The following MAST4 variants were observed in gnomAD, a reference collection of about 807,000 sequenced individuals.
MAST4 encodes microtubule-associated serine/threonine-protein kinase 4.
Under a neutral mutation model 162.7 loss-of-function variants are expected in MAST4, and 89 were observed. The observed-to-expected ratio is 0.55, with a 90% CI of 0.46 to 0.65. The LOEUF (loss-of-function observed/expected upper bound fraction) is 0.65, where lower values mean the gene tolerates loss of function less well. Among genes scored for constraint, MAST4 ranks in the 30% least tolerant of loss-of-function variants. The probability of loss-of-function intolerance (pLI) is 0.00; values close to 1 mark genes in which losing one functional copy is unlikely to be tolerated. For missense variants in MAST4, 3,153 were observed against 3,374.0 expected (o/e 0.93, Z 1.62); for synonymous variants, 1,479 against 1,361.1 (o/e 1.09, Z -1.91).
At chr5:67,008,731 A>G (rs1472551718) in intron 4 of MAST4, among the ~76,000 whole-genome samples, 1 of 152,130 alleles carries the variant, frequency 6.6e-6, no homozygotes, top group Non-Finnish European at 1.5e-5. Context: ...CTGAGAACCA[A>G]AAAAGAAGTT....
chr5:66,803,337 C>T (rs1296200560), intron 3 of MAST4, among the ~76,000 whole-genome samples: 1 of 152,114 alleles, frequency 6.6e-6, no homozygotes, highest in African/African-American at 2.4e-5. Context: ...TCCCTCATGC[C>T]ATGGTTGTTC....
At chr5:67,102,724 C>A in intron 9 of MAST4, 113 bp downstream of exon 9, 1 of 782,930 alleles carries the variant, frequency 1.3e-6, no homozygotes, top group Non-Finnish European at 2.2e-6. Flanking sequence ...TAATGATTTG[C>A]ATAAAACAGC....
chr5:67,143,399 G>A (rs889262226), intron 21 of MAST4, among the ~76,000 whole-genome samples: 5 of 151,574 alleles, frequency 3.3e-5, no homozygotes. Flanking sequence ...CTTTTTACCA[G>A]TACAGTAAAA....
At chr5:66,614,045 C>T (rs1743477043) in intron 1 of MAST4, among the ~76,000 whole-genome samples, 1 of 152,160 alleles carries the variant, frequency 6.6e-6, no homozygotes, top group Admixed American at 6.5e-5. Flanking sequence ...ATGGGGAACA[C>T]TTAAAGGAGA....
intron 3 of MAST4, among the ~76,000 whole-genome samples, chr5:66,862,607 G>A (rs1760200914): frequency 6.6e-6 from 1 of 152,142 alleles, no homozygotes; most frequent in Non-Finnish European, 1.5e-5. Flanking sequence ...AGCAGTCAAG[G>A]TAAATGTTTT....
intron 3 of MAST4, among the ~76,000 whole-genome samples, chr5:66,800,041 T>G (rs1466714248): frequency 6.6e-6 from 1 of 152,208 alleles, no homozygotes; most frequent in Non-Finnish European, 1.5e-5. Flanking sequence ...ATTATTAGAT[T>G]ATGGAATTTA....
chr5:66,751,024 C>T (rs998787004), intron 1 of MAST4, among the ~76,000 whole-genome samples: 3 of 152,092 alleles, frequency 2.0e-5, no homozygotes, highest in African/African-American at 4.8e-5. Flanking sequence ...AGGCACCCCC[C>T]AGCAGGGGCA....
intron 4 of MAST4, among the ~76,000 whole-genome samples, chr5:66,950,237 T>G (rs930207877): frequency 9.2e-5 from 14 of 152,084 alleles, no homozygotes; most frequent in African/African-American, 3.4e-4. Context: ...TTTTTCTTTT[T>G]TTTTCTTTTT....
At position 66,759,711 on chromosome 5, in the gene MAST4, T is replaced by C. The variant is rs780705015; in HGVS notation, c.366T>C (p.Leu122=). 1.2e-6 allele frequency: 2 copies of C among 1,613,848 alleles called. No homozygotes were observed. Among genetic ancestry groups the C allele is most frequent in the East Asian group, 4.5e-5 (2 of 44,890 alleles). The change falls in exon 2 of 29, where the codon CTT becomes CTC. Residue 122 remains leucine, a splice_region_variant and synonymous_variant. Coordinates refer to ENST00000403625, the MANE Select transcript of MAST4 (RefSeq NM_001164664.2). ...TGCCATTCTTCCTCTTTCTGCAGCT[T>C]GACCACATATTATCCCCTCCACCCA... ...SASQEEQDEE[L]DHILSPPPMP...
chr5:67,138,024 T>G (rs1338577511), intron 19 of MAST4, among the ~76,000 whole-genome samples: 2 of 152,168 alleles, frequency 1.3e-5, no homozygotes, highest in Non-Finnish European at 2.9e-5. Context: ...AGTGGTTGAG[T>G]GGACTTTTAA....
chr5:66,954,899 T>G (rs1448254999), intron 4 of MAST4, among the ~76,000 whole-genome samples: 3 of 132,188 alleles, frequency 2.3e-5, no homozygotes, highest in Admixed American at 7.0e-5. Context: ...AGACTCTGTC[T>G]CAAAAAAAAA....
At chr5:67,075,147 G>A (rs1295186) in intron 5 of MAST4, among the ~76,000 whole-genome samples, 22,937 of 147,700 alleles carry the variant, frequency 0.16, 2,325 homozygotes, top group Non-Finnish European at 0.23. Flanking sequence ...TGATCTGAAT[G>A]AAGATTGGAA....
chr5:66,677,886 G>A (rs1430991165), intron 1 of MAST4, among the ~76,000 whole-genome samples: 1 of 152,050 alleles, frequency 6.6e-6, no homozygotes, highest in Non-Finnish European at 1.5e-5. Context: ...TATCAGAATT[G>A]CCCGATGAAC....
intron 1 of MAST4, among the ~76,000 whole-genome samples, chr5:66,642,794 G>C (rs1338587999): frequency 1.3e-5 from 2 of 152,106 alleles, no homozygotes; most frequent in Non-Finnish European, 2.9e-5. Flanking sequence ...GTCAAATATT[G>C]GTTCTGAATT....
intron 4 of MAST4, among the ~76,000 whole-genome samples, chr5:66,912,718 T>G (rs10055729): frequency 0.17 from 25,334 of 152,188 alleles, 2,730 homozygotes; most frequent in African/African-American, 0.3. Flanking sequence ...AGGCCACTTA[T>G]GTTTATTCTA....
At chr5:67,107,926 C>A (rs1218918088) in intron 10 of MAST4, among the ~76,000 whole-genome samples, 2 of 152,182 alleles carry the variant, frequency 1.3e-5, no homozygotes, top group African/African-American at 4.8e-5. Context: ...CACAGGGTAT[C>A]CGTTAGTGTT....
intron 1 of MAST4, among the ~76,000 whole-genome samples, chr5:66,636,328 C>T (rs7728510): frequency 0.13 from 20,325 of 152,028 alleles, 1,815 homozygotes; most frequent in East Asian, 0.43. Context: ...TTCCTCCCCG[C>T]GGTTATTTTA....
chr5:66,790,628 T>A (rs1489513640), intron 3 of MAST4, among the ~76,000 whole-genome samples: 1 of 152,172 alleles, frequency 6.6e-6, no homozygotes, highest in African/African-American at 2.4e-5. Context: ...CACTGCCACC[T>A]CAAACTCCTG....
chr5:67,068,942 C>T lies in MAST4; in HGVS notation c.763+14450C>T, dbSNP rs547673414. ...ACGTGGGCTGAGAGAGGAAAACTTC[C>T]TAACCTTTGTAATAAAAACCATGCA... On this transcript the variant is annotated intron_variant, in intron 5 of 28. Coordinates refer to ENST00000403625, the MANE Select transcript of MAST4 (RefSeq NM_001164664.2). Among the ~76,000 whole-genome samples, 8 of 152,036 alleles carry T rather than the reference C, an allele frequency of 5.3e-5. No homozygotes were observed. The South Asian group carries it at 1.0e-3, about 20-fold the overall frequency.
Sources: gnomAD v4.1 joint callset for allele counts (sites outside exome capture counted in the v4.1 genomes callset) on GRCh38, gnomAD v4.1.1 for gene constraint, MANE v1.5 for transcripts, NCBI Gene and HGNC (gene_info 2026-07-23, HGNC 2026-07-21) for gene names.